Variants in SLC44A1 observed in about 807,000 individuals in gnomAD.
SLC44A1 encodes the protein choline transporter-like protein 1.
In SLC44A1, 26 loss-of-function variants were observed where a neutral mutation model predicts 79.3. The ratio of observed to expected loss-of-function variants is 0.33; its 90% CI spans 0.24 to 0.46. SLC44A1 has a LOEUF of 0.46. Ranked by LOEUF, SLC44A1 falls within the 20% of genes least tolerant of loss-of-function variation. The pLI, the probability that SLC44A1 is intolerant of heterozygous loss-of-function variation, is 1.00. For synonymous variants in SLC44A1, 263 were observed against 286.2 expected (o/e 0.92, Z 0.82); for missense variants, 688 against 798.1 (o/e 0.86, Z 1.66).
intron 10 of SLC44A1, 86 bp from the exon 11 acceptor site, chr9:105,365,397 C>A: frequency 2.1e-6 from 2 of 956,178 alleles, no homozygotes; most frequent in Non-Finnish European, 3.1e-6. Flanking sequence ...TTTTTTTTTT[C>A]ACTGCGTTGG....
At chr9:105,299,724 C>CTCCTTCT (rs1830825786) in intron 2 of SLC44A1, 1 of 950,986 alleles carries the variant, frequency 1.1e-6, no homozygotes. Context: ...CTGCTCCTTC[C>CTCCTTCT]TCCTTCTGCC....
chr9:105,314,378 C>T (rs1446082749), intron 3 of SLC44A1, among the ~76,000 whole-genome samples: 1 of 152,160 alleles, frequency 6.6e-6, no homozygotes, highest in Non-Finnish European at 1.5e-5. Flanking sequence ...TAAGGAACTG[C>T]TCTTAATCTT....
chr9:105,285,096 C>T (rs2131261582), intron 1 of SLC44A1, among the ~76,000 whole-genome samples: 1 of 152,260 alleles, frequency 6.6e-6, no homozygotes, highest in African/African-American at 2.4e-5. Context: ...TACTTCATTC[C>T]TTTTTATTGC....
chr9:105,370,148 C>T (rs910853780), intron 12 of SLC44A1, among the ~76,000 whole-genome samples: 1 of 152,218 alleles, frequency 6.6e-6, no homozygotes, highest in Non-Finnish European at 1.5e-5. Context: ...GAAGAAAGCT[C>T]AGAGAATAGT....
At chr9:105,293,220 G>A (rs2131275905) in intron 1 of SLC44A1, among the ~76,000 whole-genome samples, 2 of 152,290 alleles carry the variant, frequency 1.3e-5, no homozygotes, top group South Asian at 4.1e-4. Flanking sequence ...CCTTTTTATA[G>A]CACATTTTCC....
At chr9:105,272,319 G>A (rs1181675285) in intron 1 of SLC44A1, among the ~76,000 whole-genome samples, 1 of 152,054 alleles carries the variant, frequency 6.6e-6, no homozygotes, top group Non-Finnish European at 1.5e-5. Flanking sequence ...CACCACAACA[G>A]GCAGTCTTGG....
At chr9:105,361,569 T>C (rs1330767604) in intron 8 of SLC44A1, among the ~76,000 whole-genome samples, 1 of 152,234 alleles carries the variant, frequency 6.6e-6, no homozygotes, top group African/African-American at 2.4e-5. Flanking sequence ...GATTTTCACC[T>C]AGAATATTTA....
At chr9:105,407,796 G>C (rs964972455) in intron 15 of SLC44A1, among the ~76,000 whole-genome samples, 5 of 152,058 alleles carry the variant, frequency 3.3e-5, no homozygotes, top group Admixed American at 2.0e-4. Flanking sequence ...CTTGAACCTG[G>C]GAGGTGGAGA....
chr9:105,322,412 C>T (rs1362378940), intron 3 of SLC44A1, among the ~76,000 whole-genome samples: 2 of 152,076 alleles, frequency 1.3e-5, no homozygotes, highest in Non-Finnish European at 2.9e-5. Context: ...AAGAGTGTAT[C>T]AGTCTTATGA....
intron 4 of SLC44A1, among the ~76,000 whole-genome samples, chr9:105,340,824 GA>G (rs1335131620): frequency 6.6e-6 from 1 of 152,190 alleles, no homozygotes; most frequent in Non-Finnish European, 1.5e-5. Context: ...GTGGTTGTAA[GA>G]AATCTATTTA....
intron 15 of SLC44A1, among the ~76,000 whole-genome samples, chr9:105,422,984 G>C (rs1266425277): frequency 6.6e-6 from 1 of 152,198 alleles, no homozygotes; most frequent in Non-Finnish European, 1.5e-5. Context: ...ATTTATGTCA[G>C]GCCCTGTGTG....
chr9:105,339,231 TA>T (rs111867599), intron 4 of SLC44A1, among the ~76,000 whole-genome samples: 265 of 148,282 alleles, frequency 1.8e-3, no homozygotes, highest in African/African-American at 5.2e-3. Flanking sequence ...AGATCTACTA[TA>T]AAAAAAAAAC....
intron 1 of SLC44A1, among the ~76,000 whole-genome samples, chr9:105,258,665 T>C (rs967984560): frequency 6.6e-6 from 1 of 152,128 alleles, no homozygotes; most frequent in African/African-American, 2.4e-5. Flanking sequence ...TTTCAGAGGT[T>C]GTGTGTGCTG....
chr9:105,276,452 C>G (rs2131241842), intron 1 of SLC44A1, among the ~76,000 whole-genome samples: 1 of 152,112 alleles, frequency 6.6e-6, no homozygotes, highest in African/African-American at 2.4e-5. Context: ...GAACACCAAG[C>G]TTACTTATTT....
At chr9:105,361,458 C>A in intron 8 of SLC44A1, 128 bp downstream of exon 8, 1 of 896,560 alleles carries the variant, frequency 1.1e-6, no homozygotes, top group Non-Finnish European at 1.7e-6. Context: ...TATCTCTGTG[C>A]CATAGTGTAT....
chr9:105,381,406 A>T (rs764027904), intron 13 of SLC44A1, among the ~76,000 whole-genome samples: 1 of 151,786 alleles, frequency 6.6e-6, no homozygotes, highest in Non-Finnish European at 1.5e-5. Context: ...AAAATTAGCC[A>T]GGTGTGGTGA....
chr9:105,312,984 C>A (rs993256362), intron 3 of SLC44A1, among the ~76,000 whole-genome samples: 2 of 152,148 alleles, frequency 1.3e-5, no homozygotes, highest in African/African-American at 4.8e-5. Context: ...CTCAGCCCTG[C>A]CCTTCCAGGA....
chr9:105,361,667 G>A (rs138610434), intron 8 of SLC44A1, among the ~76,000 whole-genome samples: 14 of 152,314 alleles, frequency 9.2e-5, no homozygotes, highest in Middle Eastern at 3.4e-3. Flanking sequence ...AGAAAAGTAT[G>A]TTAAAAAATA....
intron 4 of SLC44A1, among the ~76,000 whole-genome samples, chr9:105,339,062 A>G (rs986772883): frequency 6.6e-6 from 1 of 152,224 alleles, no homozygotes; most frequent in Non-Finnish European, 1.5e-5. Flanking sequence ...ACCAAATTGC[A>G]CCAAAAGCAC....
Sources: gnomAD v4.1 joint callset for allele counts (sites outside exome capture counted in the v4.1 genomes callset) on GRCh38, gnomAD v4.1.1 for gene constraint, MANE v1.5 for transcripts, NCBI Gene and HGNC (gene_info 2026-07-23, HGNC 2026-07-21) for gene names.